Variants in ZBTB20 observed in about 807,000 individuals in gnomAD.
ZBTB20 encodes the protein zinc finger and BTB domain containing 20.
A neutral mutation model predicts 56.9 loss-of-function variants in ZBTB20; 9 were observed. The observed-to-expected ratio is 0.16, with a 90% confidence interval of 0.10 to 0.28. The LOEUF is 0.28. Ranked by LOEUF, ZBTB20 falls within the 10% of genes least tolerant of loss-of-function variation. The probability of loss-of-function intolerance (pLI) is 1.00; values close to 1 mark genes in which losing one functional copy is unlikely to be tolerated. For synonymous variants in ZBTB20, 417 were observed against 420.7 expected, an observed-to-expected ratio of 0.99 and a Z score of 0.11; for missense variants, 655 against 1,003.0, an observed-to-expected ratio of 0.65 and a Z score of 4.69.
intron 2 of ZBTB20, among the ~76,000 whole-genome samples, chr3:114,990,638 T>G (rs979584217): frequency 5.3e-5 from 8 of 152,142 alleles, no homozygotes; most frequent in African/African-American, 1.9e-4. Context: ...TTAGGGAGGA[T>G]TCCCTCTTTT....
At chr3:114,380,713 A>G in intron 9 of ZBTB20, 64 bp downstream of exon 9, 1 of 1,457,750 alleles carries the variant, frequency 6.9e-7, no homozygotes, top group Non-Finnish European at 9.0e-7. Context: ...TATCCAAGAA[A>G]GCATCCCTCT....
intron 1 of ZBTB20, among the ~76,000 whole-genome samples, chr3:115,104,378 C>T (rs938697499): frequency 2.0e-5 from 3 of 152,162 alleles, no homozygotes; most frequent in African/African-American, 4.8e-5. Context: ...TATGCCCACA[C>T]AAAAACCTAC....
chr3:114,895,936 T>C (rs1181898014), intron 4 of ZBTB20, among the ~76,000 whole-genome samples: 1 of 152,084 alleles, frequency 6.6e-6, no homozygotes, highest in African/African-American at 2.4e-5. Context: ...TAAAGGTCAG[T>C]GGGAGGGAAT....
intron 6 of ZBTB20, among the ~76,000 whole-genome samples, chr3:114,640,341 G>A (rs1330418965): frequency 6.6e-6 from 1 of 152,084 alleles, no homozygotes; most frequent in African/African-American, 2.4e-5. Context: ...GGTCTTGAAT[G>A]AATGCACCAG....
intron 5 of ZBTB20, among the ~76,000 whole-genome samples, chr3:114,700,438 C>T (rs2063323041): frequency 6.6e-6 from 1 of 152,050 alleles, no homozygotes; most frequent in South Asian, 2.1e-4. Context: ...TAGAAAGTTA[C>T]AGCTGTCTAG....
chr3:114,750,703 T>C (rs1440672757), intron 5 of ZBTB20, among the ~76,000 whole-genome samples: 1 of 152,194 alleles, frequency 6.6e-6, no homozygotes, highest in Non-Finnish European at 1.5e-5. Context: ...AATTTAGCAA[T>C]GGACTATTTT....
At chr3:114,987,696 C>T (rs1207351564) in intron 2 of ZBTB20, among the ~76,000 whole-genome samples, 2 of 152,126 alleles carry the variant, frequency 1.3e-5, no homozygotes, top group Non-Finnish European at 2.9e-5. Context: ...GTCAAGCTGA[C>T]AGTCACTTGC....
At chr3:114,909,146 T>G (rs2075430029) in intron 3 of ZBTB20, among the ~76,000 whole-genome samples, 1 of 151,982 alleles carries the variant, frequency 6.6e-6, no homozygotes, top group African/African-American at 2.4e-5. Flanking sequence ...ATGCATGTTA[T>G]TACGCCAGAA....
At chr3:114,751,499 G>A (rs1283699613) in intron 5 of ZBTB20, among the ~76,000 whole-genome samples, 1 of 152,040 alleles carries the variant, frequency 6.6e-6, no homozygotes, top group Admixed American at 6.5e-5. Context: ...GCACCTGCTA[G>A]GATAGTTATC....
intron 6 of ZBTB20, among the ~76,000 whole-genome samples, chr3:114,691,359 C>T (rs1047904438): frequency 9.9e-5 from 15 of 151,890 alleles, no homozygotes; most frequent in Admixed American, 2.6e-4. Flanking sequence ...AAATAACAGG[C>T]CATCAGTTAG....
intron 2 of ZBTB20, among the ~76,000 whole-genome samples, chr3:115,052,236 A>T (rs1011916516): frequency 1.3e-5 from 2 of 152,146 alleles, no homozygotes; most frequent in African/African-American, 4.8e-5. Flanking sequence ...AGGCGGGCAG[A>T]TCACAAGGTC....
In ZBTB20 at chr3:114,734,984, G is replaced by A. The variant is rs112675341; in HGVS notation, c.-342-41409C>T. 9.5e-4 allele frequency among the ~76,000 whole-genome samples: 144 copies of A among 151,326 alleles called. 1 individual carries two copies. Among genetic ancestry groups the A allele is most frequent in the African/African-American group, 3.2e-3 (133 of 41,258 alleles). On this transcript the variant is annotated intron_variant, in intron 5 of 11. Coordinates refer to ENST00000675478, the MANE Select transcript of ZBTB20 (RefSeq NM_001348800.3). ...AAACTTATGCAGATATGGGGAGAAAGTGCCAACTCTACACACACAGTGGCT... is the reference window on the plus strand; with the variant it reads ...AAACTTATGCAGATATGGGGAGAAAATGCCAACTCTACACACACAGTGGCT...
At chr3:114,356,883 A>G (rs1228140160) in intron 10 of ZBTB20, among the ~76,000 whole-genome samples, 1 of 151,584 alleles carries the variant, frequency 6.6e-6, no homozygotes, top group Non-Finnish European at 1.5e-5. Context: ...GCACCACCCC[A>G]CTCTCTCTTT....
chr3:114,331,660 A>C lies in ZBTB20; in HGVS notation c.*7345T>G, dbSNP rs557525037. 1.3e-5 allele frequency: 2 copies of C among 152,338 alleles called. No homozygotes were observed. Among genetic ancestry groups the C allele is most frequent in the East Asian group, 3.9e-4 (2 of 5,180 alleles). The allele number at this position is 152,338 out of a possible 1,614,324, so 9.4% of individuals were successfully genotyped here. On this transcript the variant is annotated 3_prime_UTR_variant, in exon 12 of 12. Transcript: ENST00000675478. ...ACTCTACTCCACATAAGCATATTCAAGTTTCTCATGAAACGGATACATAGA... is the reference window on the plus strand; with the variant it reads ...ACTCTACTCCACATAAGCATATTCACGTTTCTCATGAAACGGATACATAGA...
At chr3:115,129,526 G>A (rs2084439908) in intron 1 of ZBTB20, among the ~76,000 whole-genome samples, 1 of 152,176 alleles carries the variant, frequency 6.6e-6, no homozygotes, top group African/African-American at 2.4e-5. Flanking sequence ...TAGGTGTCTG[G>A]TAACTGAAAG....
At chr3:114,463,904 G>C (rs1306064755) in intron 7 of ZBTB20, among the ~76,000 whole-genome samples, 1 of 152,144 alleles carries the variant, frequency 6.6e-6, no homozygotes, top group African/African-American at 2.4e-5. Flanking sequence ...CCTCTAAAAT[G>C]GAAGGGAAAT....
At chr3:115,119,212 G>C (rs556623233) in intron 1 of ZBTB20, among the ~76,000 whole-genome samples, 198 of 152,124 alleles carry the variant, frequency 1.3e-3, no homozygotes, top group Middle Eastern at 3.4e-3. Flanking sequence ...TTACTAATTA[G>C]AAAGAAACAG....
At chr3:114,818,389 A>G (rs893377644) in intron 4 of ZBTB20, among the ~76,000 whole-genome samples, 2 of 152,228 alleles carry the variant, frequency 1.3e-5, no homozygotes, top group Admixed American at 6.5e-5. Flanking sequence ...TGGAAAATCA[A>G]TTATGCTAAG....
chr3:114,775,465 CTTAT>C (rs1229118739), intron 5 of ZBTB20, among the ~76,000 whole-genome samples: 1 of 150,518 alleles, frequency 6.6e-6, no homozygotes, highest in Non-Finnish European at 1.5e-5. Flanking sequence ...CTTCTGTTGC[CTTAT>C]TTAATTTTTT....
Sources: gnomAD v4.1 joint callset for allele counts (sites outside exome capture counted in the v4.1 genomes callset) on GRCh38, gnomAD v4.1.1 for gene constraint, MANE v1.5 for transcripts, NCBI Gene and HGNC (gene_info 2026-07-23, HGNC 2026-07-21) for gene names.